KLF12: variants seen among roughly 807,000 people sequenced by gnomAD.
KLF12 encodes Krueppel-like factor 12.
A neutral mutation model predicts 37.8 loss-of-function variants in KLF12; 9 were observed. The ratio of observed to expected loss-of-function variants is 0.24; its 90% confidence interval spans 0.14 to 0.42. KLF12 has a LOEUF of 0.42. Ranked by LOEUF, KLF12 falls within the 10% of genes least tolerant of loss-of-function variation. The probability of loss-of-function intolerance (pLI) is 1.00; values close to 1 mark genes in which losing one functional copy is unlikely to be tolerated. For synonymous variants in KLF12, 208 were observed against 202.1 expected (o/e 1.03, Z -0.25); for missense variants, 411 against 516.0 (o/e 0.80, Z 1.97).
intron 1 of KLF12, among the ~76,000 whole-genome samples, chr13:74,072,861 C>G (rs1874352559): frequency 6.6e-6 from 1 of 152,182 alleles, no homozygotes; most frequent in South Asian, 2.1e-4. Context: ...CAAGAAGTAG[C>G]TAATATGACC....
intron 1 of KLF12, among the ~76,000 whole-genome samples, chr13:74,041,599 C>T (rs2138540802): frequency 6.6e-6 from 1 of 151,796 alleles, no homozygotes; most frequent in East Asian, 1.9e-4. Context: ...CTTCTTAAAA[C>T]TCATCAAAAT....
At chr13:74,058,456 C>T (rs561215715) in intron 1 of KLF12, among the ~76,000 whole-genome samples, 5 of 148,120 alleles carry the variant, frequency 3.4e-5, no homozygotes, top group South Asian at 2.2e-4. Flanking sequence ...TCCGGGTTCA[C>T]GCCGTTCTCC....
the KLF12 span, among the ~76,000 whole-genome samples, chr13:74,218,999 T>A: frequency 6.7e-6 from 1 of 149,076 alleles, no homozygotes; most frequent in Non-Finnish European, 1.5e-5. Flanking sequence ...CCTCGCTTTG[T>A]CACTCAGGCT....
At chr13:73,972,444 CCATCTTTAATA>C (rs942614644) in intron 2 of KLF12, among the ~76,000 whole-genome samples, 4 of 151,684 alleles carry the variant, frequency 2.6e-5, no homozygotes, top group African/African-American at 9.7e-5. Context: ...CACATATAGC[CCATCTTTAATA>C]CATATTATGA....
intron 1 of KLF12, among the ~76,000 whole-genome samples, chr13:74,109,934 T>C (rs1246959446): frequency 1.3e-5 from 2 of 151,988 alleles, no homozygotes; most frequent in Non-Finnish European, 2.9e-5. Flanking sequence ...GAAAGTCAAA[T>C]GGAAGAATGA....
the KLF12 span, among the ~76,000 whole-genome samples, chr13:74,177,367 A>C: frequency 6.6e-6 from 1 of 152,192 alleles, no homozygotes; most frequent in South Asian, 2.1e-4. Flanking sequence ...AAGGCAAGCC[A>C]CATTTTATAA....
the KLF12 span, among the ~76,000 whole-genome samples, chr13:74,234,576 T>C: frequency 6.6e-6 from 1 of 152,202 alleles, no homozygotes; most frequent in Non-Finnish European, 1.5e-5. Context: ...TCCATATTTT[T>C]AAAACCAACA....
At chr13:74,268,879 A>G in the KLF12 span, among the ~76,000 whole-genome samples, 3 of 152,192 alleles carry the variant, frequency 2.0e-5, no homozygotes, top group Non-Finnish European at 4.4e-5. Flanking sequence ...GTTCTTCACC[A>G]TGAGTTGAGT....
intron 2 of KLF12, among the ~76,000 whole-genome samples, chr13:73,987,964 T>C (rs965301580): frequency 6.6e-6 from 1 of 152,150 alleles, no homozygotes; most frequent in African/African-American, 2.4e-5. Flanking sequence ...GGCCGAAATG[T>C]AAATCTTTGA....
chr13:74,042,303 CA>C (rs547433221), intron 1 of KLF12, among the ~76,000 whole-genome samples: 7,120 of 74,510 alleles, frequency 0.096, 275 homozygotes, highest in African/African-American at 0.19. Context: ...GACTCCATCT[CA>C]AAAAAAAAAA....
chr13:74,166,606 T>C, the KLF12 span, among the ~76,000 whole-genome samples: 2 of 152,196 alleles, frequency 1.3e-5, no homozygotes, highest in South Asian at 2.1e-4. Flanking sequence ...GTTCTCCCGA[T>C]GTCATTTTTT....
upstream of KLF12, among the ~76,000 whole-genome samples, chr13:74,138,769 T>C (rs1177222914): frequency 1.3e-5 from 2 of 152,178 alleles, no homozygotes; most frequent in East Asian, 3.9e-4. Context: ...TTCCCTCACA[T>C]GCACTAATTA....
At chr13:74,158,296 G>A in the KLF12 span, among the ~76,000 whole-genome samples, 1 of 152,314 alleles carries the variant, frequency 6.6e-6, no homozygotes, top group East Asian at 1.9e-4. Context: ...CCCTGTGGGG[G>A]ACTTAAAGGG....
At chr13:74,013,616 G>C (rs1892606593) in intron 1 of KLF12, among the ~76,000 whole-genome samples, 1 of 151,956 alleles carries the variant, frequency 6.6e-6, no homozygotes, top group African/African-American at 2.4e-5. Context: ...ATATCTAGGG[G>C]GGCAAAGAAA....
At chr13:74,193,047 C>T in the KLF12 span, among the ~76,000 whole-genome samples, 6 of 146,244 alleles carry the variant, frequency 4.1e-5, no homozygotes, top group Non-Finnish European at 6.0e-5. Context: ...GGTGTGATCT[C>T]GGCTCACTGC....
At chr13:74,267,067 C>T in the KLF12 span, among the ~76,000 whole-genome samples, 1 of 152,130 alleles carries the variant, frequency 6.6e-6, no homozygotes, top group Non-Finnish European at 1.5e-5. Flanking sequence ...AGCCTCCCCG[C>T]CCATTCTCCT....
intron 3 of KLF12, among the ~76,000 whole-genome samples, chr13:73,895,862 A>G (rs949662663): frequency 1.3e-5 from 2 of 150,518 alleles, no homozygotes; most frequent in Non-Finnish European, 3.0e-5. Flanking sequence ...GCTCTGTCAC[A>G]CAGGCTGGAG....
At chr13:73,889,262 T>G (rs980818486) in intron 3 of KLF12, among the ~76,000 whole-genome samples, 2 of 152,212 alleles carry the variant, frequency 1.3e-5, no homozygotes, top group African/African-American at 4.8e-5. Context: ...CATGCATGTA[T>G]GTATATGTGT....
Position 73,941,284 on chromosome 13 carries a change from T to C in KLF12, c.123+2697A>G, listed in dbSNP as rs1039097149. On this transcript the variant is annotated intron_variant, in intron 3 of 7. Coordinates refer to ENST00000377669, the MANE Select transcript of KLF12 (RefSeq NM_007249.5). ...TCAAAAGTCCATAATCAGCTGGGCA[T>C]GGTGGCACATGTCTATAACCCCAGC... 5.3e-5 allele frequency among the ~76,000 whole-genome samples: 8 copies of C among 152,152 alleles called. No homozygotes were observed. In the East Asian group the frequency reaches 5.8e-4, roughly 11 times the overall value.
Sources: allele counts gnomAD v4.1 joint callset (sites outside exome capture counted in the v4.1 genomes callset), GRCh38; gene constraint gnomAD v4.1.1; transcripts MANE v1.5; gene names NCBI Gene and HGNC (gene_info 2026-07-23, HGNC 2026-07-21).